AP1G2: variants seen among roughly 807,000 people sequenced by gnomAD.
AP1G2 encodes the protein AP-1 complex subunit gamma-like 2.
Under a neutral mutation model 95.8 loss-of-function variants are expected in AP1G2, and 85 were observed. That is an observed-to-expected ratio of 0.89 (90% CI 0.74 to 1.06). The LOEUF is 1.06. AP1G2 is among the 50% of genes least tolerant of loss of function. The pLI, the probability that AP1G2 is intolerant of heterozygous loss-of-function variation, is 0.00. For synonymous variants in AP1G2, 378 were observed against 400.0 expected (o/e 0.94, Z 0.66); for missense variants, 967 against 1,005.8 (o/e 0.96, Z 0.52).
At chr14:23,565,446 C>G in intron 7 of AP1G2, 160 bp downstream of exon 7, 1 of 738,858 alleles carries the variant, frequency 1.4e-6, no homozygotes, top group Non-Finnish European at 2.2e-6. Context: ...CATTCCCTCT[C>G]CCCTCACAGG....
rs750666465 is a variant in AP1G2 at position 23,559,778 on chromosome 14, TCAC to T, written c.2326_2328del (p.Val776del). On this transcript the variant is annotated inframe_deletion, in exon 22 of 22. Transcript: ENST00000397120. ...TGCCACGATTCCACAGGCAAGTTGT[TCAC>T]CTCAAAGATCTCCTGCACCGACTGG... is the stretch of plus-strand genomic sequence containing the variant. 6.2e-7 allele frequency: 1 copy of T among 1,614,112 alleles called. No individual in the cohort carries two copies. Among genetic ancestry groups the T allele is most frequent in the Non-Finnish European group, 8.5e-7 (1 of 1,180,016 alleles).
chr14:23,567,759 G>A lies in AP1G2; in HGVS notation c.-26C>T. 9.9e-7 allele frequency: 1 copy of A among 1,007,920 alleles called. No homozygotes were observed. Among genetic ancestry groups the A allele is most frequent in the African/African-American group, 1.7e-5 (1 of 57,554 alleles). 62.4% of individuals were successfully genotyped at this position (1,007,920 alleles called of 1,614,324 possible). ...CTCACCTGGCTTCTGCCTCAACTCCGCTCCTCTGCCCCCCAGCGCTTCCTG... is the reference window on the plus strand; with the variant it reads ...CTCACCTGGCTTCTGCCTCAACTCCACTCCTCTGCCCCCCAGCGCTTCCTG... On this transcript the variant is annotated 5_prime_UTR_variant, in exon 1 of 22. Transcript: ENST00000397120. The surrounding 1 kb of genome is among the most constrained non-coding windows in gnomAD (Gnocchi z 5.3).
At position 23,567,455 on chromosome 14, in the gene AP1G2, C is replaced by T. The variant is rs1888621121; in HGVS notation, c.-5-136G>A. 2 of 1,408,232 alleles carry T rather than the reference C, an allele frequency of 1.4e-6. No homozygotes were observed. Among genetic ancestry groups the T allele is most frequent in the Non-Finnish European group, 1.8e-6 (2 of 1,088,692 alleles). The allele number at this position is 1,408,232 out of a possible 1,614,324, so 87.2% of individuals were successfully genotyped here. A position where few individuals can be genotyped will look rare whatever the true frequency, so the allele number is the denominator to read the frequency against. ...AAAATTGCGCCCGCATTTTACCTTT[C>T]CCGAAGTGGGTCTCCAAATTCCGCG... On this transcript the variant is annotated intron_variant, in intron 1 of 21. Coordinates refer to ENST00000397120, the MANE Select transcript of AP1G2 (RefSeq NM_003917.5). The surrounding 1 kb of genome is among the most constrained non-coding windows in gnomAD (Gnocchi z 5.3).
chr14:23,565,623 T>C lies in AP1G2; in HGVS notation c.724A>G (p.Ser242Gly). The C allele has an allele frequency of 6.2e-7, 1 of 1,614,052 alleles. No homozygotes were observed. Among genetic ancestry groups the C allele is most frequent in the South Asian group, 1.1e-5 (1 of 91,086 alleles). Residue 242 changes from serine (S) to glycine (G), a missense_variant, in exon 7 of 22, where the codon AGC (serine) becomes GGC (glycine). Physicochemically the swap from Ser to Gly is moderately conservative, Grantham distance 56. Transcript: ENST00000397120. The stretch of plus-strand genomic sequence containing the variant: ...CACCCCACCTGCAGGAAGGGGTCGC[T>C]GACTCCAGATATGCTGTGTTCTGTG... ...YSTEHSISGVSDPFLQVQILR... is the reference protein window; with the variant it reads ...YSTEHSISGVGDPFLQVQILR...
intron 7 of AP1G2, 133 bp downstream of exon 7, chr14:23,565,473 G>A (rs1448808813): frequency 1.6e-5 from 13 of 821,978 alleles, no homozygotes; most frequent in Middle Eastern, 2.8e-4. Context: ...GATGACCCGA[G>A]CAATCCTGTG....
Position 23,564,080 on chromosome 14 carries a change from C to T in AP1G2, c.1057G>A (p.Glu353Lys). Residue 353 changes from glutamate (E) to lysine (K), a missense_variant, in exon 11 of 22, where the codon GAA (glutamate) becomes AAA (lysine). Coordinates refer to ENST00000397120, the MANE Select transcript of AP1G2 (RefSeq NM_003917.5). ...GAGGCATCAGTTTCCCGTAGACATT[C>T]CACCACAGTGGGCCGATGCCGCTGC... ...AVQRHRPTVV[E>K]CLRETDASLS... 1 of 1,614,198 alleles carries T rather than the reference C, an allele frequency of 6.2e-7. No individual in the cohort carries two copies. The highest frequency in any genetic ancestry group is 8.5e-7 in the Non-Finnish European group (1 of 1,180,028).
At chr14:23,566,895 G>T in intron 2 of AP1G2, 1 of 891,580 alleles carries the variant, frequency 1.1e-6, no homozygotes, top group South Asian at 1.8e-5. Flanking sequence ...GAGAGGAGGA[G>T]ATGCCTGCCC....
chr14:23,560,666 G>A (rs1022418832), intron 19 of AP1G2: 13 of 273,960 alleles, frequency 4.7e-5, no homozygotes, highest in Admixed American at 3.1e-4. Flanking sequence ...CCTGAGGCCC[G>A]GACTTGGGAG....
rs781088082 is a variant in AP1G2 at position 23,566,282 on chromosome 14, T to C, written c.467A>G (p.Lys156Arg). ...LLLQPSPYVR[K>R]KAILTAVHMI... ...CCAGGAGTCCCGCCATCTCACCTTCTTGCGCACGTAGGGACTGGGCTGCAG... is the reference window on the plus strand; with the variant it reads ...CCAGGAGTCCCGCCATCTCACCTTCCTGCGCACGTAGGGACTGGGCTGCAG... Residue 156 changes from lysine to arginine, a missense_variant, in exon 4 of 22, where the codon AAG becomes AGG. Physicochemically the swap from Lys to Arg is conservative, Grantham distance 26. Transcript: ENST00000397120. 1.2e-6 allele frequency: 2 copies of C among 1,613,894 alleles called. No homozygotes were observed. Among genetic ancestry groups the C allele is most frequent in the Admixed American group, 1.7e-5 (1 of 60,002 alleles).
rs78717133 is a variant in AP1G2 at position 23,567,626 on chromosome 14, C to CT, written c.-6+112dup. On this transcript the variant is annotated intron_variant, in intron 1 of 21. Coordinates refer to ENST00000397120, the MANE Select transcript of AP1G2 (RefSeq NM_003917.5). The surrounding 1 kb of genome is among the most constrained non-coding windows in gnomAD (Gnocchi z 5.3). The stretch of plus-strand genomic sequence containing the variant: ...TACCCCATCCCTAGCTCAGCCATTG[C>CT]TTTTTTTTCCACGACCCTCCGCTGT... The CT allele has an allele frequency of 5.8e-5, 66 of 1,144,560 alleles. No individual in the cohort carries two copies. The highest frequency in any genetic ancestry group is 3.6e-4 in the African/African-American group (22 of 61,824). 70.9% of individuals were successfully genotyped at this position (1,144,560 alleles called of 1,614,324 possible).
chr14:23,567,111 C>A lies in AP1G2; in HGVS notation c.204G>T (p.Gln68His). ...GGAGGGAGGTATTCCTGGCCAGTAC[C>A]TGTCCAAAGTGGGCGGGGTAGCCCA... ...HMLGYPAHFG[Q>H]MECLKLIASS... The change falls in exon 2 of 22, where the codon CAG (glutamine) becomes CAT (histidine). Residue 68 changes from glutamine (Q) to histidine (H), a missense_variant and splice_region_variant. Coordinates refer to ENST00000397120, the MANE Select transcript of AP1G2 (RefSeq NM_003917.5). This position sits in a 1 kb window ranked among gnomAD's most constrained non-coding sequence, Gnocchi z 5.3. The A allele has an allele frequency of 6.2e-7, 1 of 1,609,250 alleles. No homozygotes were observed. The highest frequency in any genetic ancestry group is 8.5e-7 in the Non-Finnish European group (1 of 1,177,642).
At chr14:23,563,257 T>C in intron 14 of AP1G2, 123 bp downstream of exon 14, 1 of 1,495,644 alleles carries the variant, frequency 6.7e-7, no homozygotes, top group Non-Finnish European at 8.9e-7. Flanking sequence ...CTCAGATGTC[T>C]TCTGCACTGT....
Position 23,562,404 on chromosome 14 carries a change from C to T in AP1G2, c.1512G>A (p.Glu504=). Residue 504 remains glutamate (E), a synonymous_variant, in exon 16 of 22, where the codon GAG becomes GAA. Transcript: ENST00000397120. ...EEIEPLQVDE[E]EVLALLEKVL... is the part of the protein sequence containing the mutation. Reference sequence around the variant, plus strand: ...CCTTTTCCAGCAATGCCAGCACTTCCTCTTCGTCCACCTTCAGACATGGAT... The same window carrying T: ...CCTTTTCCAGCAATGCCAGCACTTCTTCTTCGTCCACCTTCAGACATGGAT... 1 of 1,614,202 alleles carries T rather than the reference C, an allele frequency of 6.2e-7. No homozygotes were observed. Among genetic ancestry groups the T allele is most frequent in the East Asian group, 2.2e-5 (1 of 44,884 alleles).
rs1887792610 is a variant in AP1G2 at position 23,566,076 on chromosome 14, C to T, written c.556G>A (p.Glu186Lys). The T allele has an allele frequency of 1.1e-5, 18 of 1,614,004 alleles. No homozygotes were observed. In the East Asian group the frequency reaches 3.8e-4, roughly 34 times the overall value. The change falls in exon 5 of 22, where the codon GAG becomes AAG. Residue 186 changes from glutamate to lysine, a missense_variant. Coordinates refer to ENST00000397120, the MANE Select transcript of AP1G2 (RefSeq NM_003917.5). Reference protein sequence around the residue: ...FLPPCAQLLHERHHGILLGTI... With the variant: ...FLPPCAQLLHKRHHGILLGTI... ...CCCACAGCCTTACCATGGTGACGCTCATGAAGCAGTTGGGCACAGGGTGGG... is the reference window on the plus strand; with the variant it reads ...CCCACAGCCTTACCATGGTGACGCTTATGAAGCAGTTGGGCACAGGGTGGG...
chr14:23,562,322 T>G lies in AP1G2; in HGVS notation c.1594A>C (p.Met532Leu), dbSNP rs1329456612. The change falls in exon 16 of 22, where the codon ATG becomes CTG. Residue 532 changes from methionine (M) to leucine (L), a missense_variant. By Grantham distance (15) the Met-to-Leu change is conservative (BLOSUM62 2). Transcript: ENST00000397120. ...ATRGYALTAL[M>L]KLSTRLCGDN... ...CCACAGAGGCGAGTGCTGAGCTTCA[T>G]GAGGGCTGTGAGGGCATATCCTCGA... 1 of 1,614,086 alleles carries G rather than the reference T, an allele frequency of 6.2e-7. No homozygotes were observed. Among genetic ancestry groups the G allele is most frequent in the Non-Finnish European group, 8.5e-7 (1 of 1,180,026 alleles).
intron 7 of AP1G2, chr14:23,565,403 T>G: frequency 1.4e-6 from 1 of 710,166 alleles, no homozygotes; most frequent in South Asian, 1.9e-5. Context: ...AAAAAAAAAA[T>G]TGTTAACAAA....
At chr14:23,560,907 A>C (rs1418022050) in intron 19 of AP1G2, 1 of 211,332 alleles carries the variant, frequency 4.7e-6, no homozygotes, top group Non-Finnish European at 8.8e-6. Flanking sequence ...AGGGGAAGGC[A>C]TCTGACATTT....
rs748621956 is a variant in AP1G2, at chr14:23,560,249, A to G, written c.2157+6T>C. 1 of 1,613,066 alleles carries G rather than the reference A, an allele frequency of 6.2e-7. No homozygotes were observed. Among genetic ancestry groups the G allele is most frequent in the Non-Finnish European group, 8.5e-7 (1 of 1,179,964 alleles). On this transcript the variant is annotated splice_donor_region_variant and intron_variant, in intron 20 of 21. Transcript: ENST00000397120. ...AGGCCACCTCTGAACTCTGATCTTTACAAACCTTGGGCACAGCAGCCTGGC... is the reference window on the plus strand; with the variant it reads ...AGGCCACCTCTGAACTCTGATCTTTGCAAACCTTGGGCACAGCAGCCTGGC...
At chr14:23,563,097 C>T (rs1332749442) in intron 14 of AP1G2, 12 of 1,340,460 alleles carry the variant, frequency 9.0e-6, no homozygotes, top group Non-Finnish European at 8.6e-6. Context: ...AATAAAACCT[C>T]ATAAACACAA....
Sources: allele counts gnomAD v4.1 joint callset, GRCh38; gene constraint gnomAD v4.1.1; non-coding constraint Gnocchi (gnomAD v3.1); transcripts MANE v1.5; gene names NCBI Gene and HGNC (gene_info 2026-07-23, HGNC 2026-07-21).